The following PELI2 variants were observed in gnomAD, a reference collection of about 807,000 sequenced individuals.
The protein encoded by PELI2 is pellino E3 ubiquitin protein ligase family member 2.
Under a neutral mutation model 42.3 loss-of-function variants are expected in PELI2, and 23 were observed. The ratio of observed to expected loss-of-function variants is 0.54; its 90% CI spans 0.39 to 0.77. PELI2 has a LOEUF of 0.77. Ranked by LOEUF, PELI2 falls within the 30% of genes least tolerant of loss-of-function variation. The probability of loss-of-function intolerance (pLI) is 0.00; values close to 1 mark genes in which losing one functional copy is unlikely to be tolerated. For missense variants in PELI2, 463 were observed against 553.2 expected (o/e 0.84, Z 1.64); for synonymous variants, 245 against 212.2 (o/e 1.15, Z -1.34).
chr14:56,184,604 A>G (rs1885703119), intron 2 of PELI2, among the ~76,000 whole-genome samples: 1 of 152,104 alleles, frequency 6.6e-6, no homozygotes, highest in Non-Finnish European at 1.5e-5. Context: ...TCCAATAAAT[A>G]AGGGATTTTC....
chr14:56,287,443 A>C (rs937040826), intron 3 of PELI2, among the ~76,000 whole-genome samples: 1 of 152,240 alleles, frequency 6.6e-6, no homozygotes, highest in South Asian at 2.1e-4. Context: ...TCTAGCAGAG[A>C]GGAGATTTTG....
chr14:56,258,823 A>G (rs1453271684), intron 2 of PELI2, among the ~76,000 whole-genome samples: 2 of 152,226 alleles, frequency 1.3e-5, no homozygotes, highest in Non-Finnish European at 1.5e-5. Flanking sequence ...AAATTTTTCA[A>G]ATATGATGAA....
At chr14:56,264,865 T>A (rs1888840603) in intron 2 of PELI2, among the ~76,000 whole-genome samples, 1 of 152,192 alleles carries the variant, frequency 6.6e-6, no homozygotes, top group Non-Finnish European at 1.5e-5. Context: ...ATTCGGTAAA[T>A]CAATATTTAT....
At position 56,219,602 on chromosome 14, in the gene PELI2, A is replaced by G. The variant is rs910595234; in HGVS notation, c.207+41138A>G. ...CTCTGAGCTGCCACACACTCATAAG[A>G]GGCCTCCTTAGTCCTACTCCCAGGA... On this transcript the variant is annotated intron_variant, in intron 2 of 5. Coordinates refer to ENST00000267460, the MANE Select transcript of PELI2 (RefSeq NM_021255.3). This position sits in a 1 kb window ranked among gnomAD's most constrained non-coding sequence, Gnocchi z 4.1. Among the ~76,000 whole-genome samples the G allele has an allele frequency of 6.6e-6, 1 of 152,192 alleles. No homozygotes were observed. Among genetic ancestry groups the G allele is most frequent in the Non-Finnish European group, 1.5e-5 (1 of 68,036 alleles).
chr14:56,152,779 T>C (rs1255047457), intron 1 of PELI2, among the ~76,000 whole-genome samples: 1 of 152,240 alleles, frequency 6.6e-6, no homozygotes, highest in Non-Finnish European at 1.5e-5. Context: ...ATTCTTATAG[T>C]AGATATATTT....
At chr14:56,153,661 A>G (rs955973722) in intron 1 of PELI2, among the ~76,000 whole-genome samples, 1 of 152,264 alleles carries the variant, frequency 6.6e-6, no homozygotes, top group African/African-American at 2.4e-5. Context: ...TGGAAAAAGC[A>G]GAAAACTTGA....
At chr14:56,281,430 G>A (rs1238539687) in intron 3 of PELI2, among the ~76,000 whole-genome samples, 1 of 152,082 alleles carries the variant, frequency 6.6e-6, no homozygotes, top group Non-Finnish European at 1.5e-5. Flanking sequence ...ATAAACATAG[G>A]TATGGAAGAG....
At chr14:56,167,872 G>A (rs929373010) in intron 1 of PELI2, among the ~76,000 whole-genome samples, 27 of 152,102 alleles carry the variant, frequency 1.8e-4, no homozygotes, top group Non-Finnish European at 2.2e-4. Flanking sequence ...AAGCTATATC[G>A]GCTTTAGGGG....
At chr14:56,186,722 ATTAT>A (rs1885781146) in intron 2 of PELI2, among the ~76,000 whole-genome samples, 1 of 152,144 alleles carries the variant, frequency 6.6e-6, no homozygotes, top group African/African-American at 2.4e-5. Flanking sequence ...CAGTAACTTA[ATTAT>A]CTGTGTAATT....
chr14:56,224,263 G>C (rs1379359222), intron 2 of PELI2, among the ~76,000 whole-genome samples: 1 of 152,182 alleles, frequency 6.6e-6, no homozygotes, highest in Non-Finnish European at 1.5e-5. Flanking sequence ...AATACTGCTT[G>C]CAGACCTCAT....
At chr14:56,147,085 A>C (rs933331820) in intron 1 of PELI2, among the ~76,000 whole-genome samples, 1 of 152,188 alleles carries the variant, frequency 6.6e-6, no homozygotes, top group South Asian at 2.1e-4. Context: ...TCTTCCACTT[A>C]ACATAATGTT....
chr14:56,251,189 C>G (rs1005359706), intron 2 of PELI2, among the ~76,000 whole-genome samples: 1 of 152,200 alleles, frequency 6.6e-6, no homozygotes, highest in Admixed American at 6.5e-5. Context: ...CTGCTCACAG[C>G]GGGCAGCAGG....
intron 1 of PELI2, among the ~76,000 whole-genome samples, chr14:56,129,266 CT>C (rs1031360866): frequency 1.3e-5 from 2 of 152,182 alleles, no homozygotes; most frequent in African/African-American, 4.8e-5. Flanking sequence ...CTTGTTTTCC[CT>C]TTTGTAATTC....
intron 2 of PELI2, among the ~76,000 whole-genome samples, chr14:56,259,490 G>A (rs1406256984): frequency 1.3e-5 from 2 of 152,030 alleles, no homozygotes; most frequent in African/African-American, 2.4e-5. Flanking sequence ...ATACAAGGTT[G>A]GTTAATCGTT....
chr14:56,257,807 C>G (rs977833747), intron 2 of PELI2, among the ~76,000 whole-genome samples: 1 of 152,172 alleles, frequency 6.6e-6, no homozygotes, highest in Non-Finnish European at 1.5e-5. Flanking sequence ...AGGAACCAAA[C>G]AGCCCTATGA....
chr14:56,268,905 G>A (rs2139850157), intron 2 of PELI2, among the ~76,000 whole-genome samples: 1 of 152,288 alleles, frequency 6.6e-6, no homozygotes, highest in South Asian at 2.1e-4. Flanking sequence ...GCTACACGGA[G>A]TCATTGTTGG....
rs557599550 is a variant in PELI2 at position 56,138,266 on chromosome 14, G to A, written c.77+19529G>A. Among the ~76,000 whole-genome samples, 9 of 152,264 alleles carry A rather than the reference G, an allele frequency of 5.9e-5. No individual in the cohort carries two copies. The South Asian group carries it at 1.7e-3, about 28-fold the overall frequency. The stretch of plus-strand genomic sequence containing the variant: ...ACTTCAGGAATATTCTTTGAAAATT[G>A]TACATGTATTTGGCAAAAAGTGCCA... On this transcript the variant is annotated intron_variant, in intron 1 of 5. Coordinates refer to ENST00000267460, the MANE Select transcript of PELI2 (RefSeq NM_021255.3).
chr14:56,122,900 T>G (rs1813241940), intron 1 of PELI2, among the ~76,000 whole-genome samples: 1 of 152,258 alleles, frequency 6.6e-6, no homozygotes, highest in African/African-American at 2.4e-5. Flanking sequence ...ATTGTAATCC[T>G]TTGTATTTTA....
chr14:56,126,102 T>A (rs1456340119), intron 1 of PELI2, among the ~76,000 whole-genome samples: 1 of 152,216 alleles, frequency 6.6e-6, no homozygotes, highest in African/African-American at 2.4e-5. Context: ...TTTGTTTGTT[T>A]TTCTTTTTGT....
Sources: allele counts gnomAD v4.1 joint callset (sites outside exome capture counted in the v4.1 genomes callset), GRCh38; gene constraint gnomAD v4.1.1; non-coding constraint Gnocchi (gnomAD v3.1); transcripts MANE v1.5; gene names NCBI Gene and HGNC (gene_info 2026-07-23, HGNC 2026-07-21).